SLC30A6: variants seen among roughly 807,000 people sequenced by gnomAD.
SLC30A6 encodes the protein solute carrier family 30 member 6.
Under a neutral mutation model 63.0 loss-of-function variants are expected in SLC30A6, and 55 were observed. The observed-to-expected ratio is 0.87, with a 90% CI of 0.70 to 1.09. The LOEUF (loss-of-function observed/expected upper bound fraction) is 1.09, where lower values mean the gene tolerates loss of function less well. SLC30A6 is among the 50% of genes least tolerant of loss of function. The pLI, the probability that SLC30A6 is intolerant of heterozygous loss-of-function variation, is 0.00. For missense variants in SLC30A6, 587 were observed against 549.2 expected (o/e 1.07, Z -0.69); for synonymous variants, 224 against 186.1 (o/e 1.20, Z -1.66).
intron 1 of SLC30A6, among the ~76,000 whole-genome samples, chr2:32,166,710 A>C (rs1429283842): frequency 1.3e-5 from 2 of 152,222 alleles, no homozygotes; most frequent in Non-Finnish European, 2.9e-5. Flanking sequence ...TGAGAAAGAG[A>C]CCACATTTCT....
intron 9 of SLC30A6, 47 bp downstream of exon 9, chr2:32,197,439 A>G (rs1482170372): frequency 1.3e-6 from 2 of 1,527,550 alleles, no homozygotes; most frequent in African/African-American, 2.7e-5. Context: ...AAAGGAATAC[A>G]CAAGAAATGC....
Position 32,210,847 on chromosome 2 carries a change from T to C in SLC30A6, c.885+1286T>C, listed in dbSNP as rs574029937. ...CATTATTTTGGATGTCTAAAACTTA[T>C]TACAAGAAAAACTTGAGACTGTAAC... On this transcript the variant is annotated intron_variant, in intron 13 of 13. Transcript: ENST00000282587. Among the ~76,000 whole-genome samples the C allele has an allele frequency of 5.3e-5, 8 of 152,312 alleles. No homozygotes were observed. The South Asian group carries it at 1.2e-3, about 24-fold the overall frequency.
intron 4 of SLC30A6, among the ~76,000 whole-genome samples, chr2:32,179,570 C>A (rs1488742288): frequency 6.6e-6 from 1 of 152,170 alleles, no homozygotes; most frequent in African/African-American, 2.4e-5. Context: ...TGAAACCGAT[C>A]CTGCTGGGTA....
At chr2:32,174,697 G>A (rs1681572070) in intron 3 of SLC30A6, among the ~76,000 whole-genome samples, 1 of 151,672 alleles carries the variant, frequency 6.6e-6, no homozygotes. Flanking sequence ...GGGATTACAG[G>A]CACGTACCAC....
At chr2:32,216,136 C>A (rs1329748112) in intron 13 of SLC30A6, among the ~76,000 whole-genome samples, 1 of 152,182 alleles carries the variant, frequency 6.6e-6, no homozygotes, top group Non-Finnish European at 1.5e-5. Flanking sequence ...AATCTTCAAA[C>A]TGCTTTTTAG....
intron 1 of SLC30A6, among the ~76,000 whole-genome samples, chr2:32,169,283 C>T (rs936254601): frequency 1.3e-5 from 2 of 152,144 alleles, no homozygotes; most frequent in African/African-American, 4.8e-5. Context: ...ATCCTTCCAC[C>T]TTGGTGTCCT....
rs555901093 is a variant in SLC30A6, at chr2:32,187,578, A to G, written c.284+3240A>G. On this transcript the variant is annotated intron_variant, in intron 5 of 13. Transcript: ENST00000282587. ...CGATCACATAGCTGAAGTATCACATATATCTGGAGACTTCAAAATCCAGTT... is the reference window on the plus strand; with the variant it reads ...CGATCACATAGCTGAAGTATCACATGTATCTGGAGACTTCAAAATCCAGTT... Among the ~76,000 whole-genome samples the G allele has an allele frequency of 2.0e-3, 306 of 152,340 alleles. 1 individual carries two copies. Among genetic ancestry groups the G allele is most frequent in the South Asian group, 7.7e-3 (37 of 4,832 alleles).
chr2:32,178,743 C>G (rs1682018028), intron 4 of SLC30A6, among the ~76,000 whole-genome samples: 1 of 152,218 alleles, frequency 6.6e-6, no homozygotes, highest in Non-Finnish European at 1.5e-5. Context: ...TTTGGATTCT[C>G]AGGTCTGTCC....
intron 1 of SLC30A6, among the ~76,000 whole-genome samples, chr2:32,166,538 A>G (rs563481222): frequency 1.3e-5 from 2 of 152,306 alleles, no homozygotes; most frequent in South Asian, 2.1e-4. Flanking sequence ...TTTCTCTCAA[A>G]TTTGTTAGAA....
intron 10 of SLC30A6, among the ~76,000 whole-genome samples, chr2:32,201,054 C>T (rs1684247507): frequency 6.6e-6 from 1 of 152,148 alleles, no homozygotes; most frequent in South Asian, 2.1e-4. Flanking sequence ...GCCCAAATGT[C>T]ACCTTCTGGA....
chr2:32,199,694 C>T (rs1684098887), intron 10 of SLC30A6, among the ~76,000 whole-genome samples: 1 of 152,078 alleles, frequency 6.6e-6, no homozygotes. Context: ...CCACATCCCC[C>T]CAATATTTTA....
At chr2:32,169,797 A>G (rs992524477) in intron 1 of SLC30A6, among the ~76,000 whole-genome samples, 1 of 152,210 alleles carries the variant, frequency 6.6e-6, no homozygotes, top group Non-Finnish European at 1.5e-5. Flanking sequence ...GTGACTGTGT[A>G]TAGGGAGAGG....
At chr2:32,179,450 C>T (rs935391597) in intron 4 of SLC30A6, among the ~76,000 whole-genome samples, 1 of 152,138 alleles carries the variant, frequency 6.6e-6, no homozygotes, top group Non-Finnish European at 1.5e-5. Context: ...CTTGACCATA[C>T]AGCAGAATTA....
At chr2:32,202,803 A>C in intron 10 of SLC30A6, 2 of 761,532 alleles carry the variant, frequency 2.6e-6, no homozygotes, top group Non-Finnish European at 4.8e-6. Flanking sequence ...GTGGGTATGC[A>C]AAGTTGCAAA....
At chr2:32,202,799 A>G in intron 10 of SLC30A6, 1 of 752,234 alleles carries the variant, frequency 1.3e-6, no homozygotes. Flanking sequence ...CACAGTGGGT[A>G]TGCAAAGTTG....
At chr2:32,220,126 C>G in intron 13 of SLC30A6, 87 bp from the exon 14 acceptor site, 1 of 1,434,504 alleles carries the variant, frequency 7.0e-7, no homozygotes, top group Non-Finnish European at 9.3e-7. Context: ...AGGAACTTAC[C>G]AAATCATAAA....
chr2:32,193,986 A>G lies in SLC30A6; in HGVS notation c.496+3A>G, dbSNP rs1247680118. 3.1e-6 allele frequency: 5 copies of G among 1,601,522 alleles called. No individual in the cohort carries two copies. Among genetic ancestry groups the G allele is most frequent in the Non-Finnish European group, 3.4e-6 (4 of 1,174,310 alleles). ...ACCTTTTGCTTATGTCTCAGAAGGT[A>G]TGTTTTTTATTTACTATTAATTTAA... is the stretch of plus-strand genomic sequence containing the variant. On this transcript the variant is annotated splice_donor_region_variant and intron_variant, in intron 8 of 13. Transcript: ENST00000282587.
At chr2:32,171,754 A>G (rs189944254) in intron 2 of SLC30A6, among the ~76,000 whole-genome samples, 200 of 151,442 alleles carry the variant, frequency 1.3e-3, no homozygotes, top group Non-Finnish European at 2.2e-3. Flanking sequence ...GTGCAATGGC[A>G]TGATCTTGGC....
chr2:32,211,912 G>A (rs903137658), intron 13 of SLC30A6, among the ~76,000 whole-genome samples: 4 of 152,200 alleles, frequency 2.6e-5, no homozygotes, highest in Admixed American at 1.3e-4. Flanking sequence ...GAGCTACTGC[G>A]CTCGGCCCAC....
Sources: allele counts gnomAD v4.1 joint callset (sites outside exome capture counted in the v4.1 genomes callset), GRCh38; gene constraint gnomAD v4.1.1; transcripts MANE v1.5; gene names NCBI Gene and HGNC (gene_info 2026-07-23, HGNC 2026-07-21).